The following ADAMTSL3 variants were observed in gnomAD, a reference collection of about 807,000 sequenced individuals.
ADAMTSL3 encodes ADAMTS-like protein 3.
In ADAMTSL3, 128 loss-of-function variants were observed where a neutral mutation model predicts 201.7. The ratio of observed to expected loss-of-function variants is 0.63; its 90% CI spans 0.55 to 0.73. The LOEUF is 0.73. ADAMTSL3 is among the 30% of genes least tolerant of loss of function. The pLI, the probability that ADAMTSL3 is intolerant of heterozygous loss-of-function variation, is 0.00. For missense variants in ADAMTSL3, 1,990 were observed against 2,119.6 expected, an observed-to-expected ratio of 0.94 and a Z score of 1.20; for synonymous variants, 738 against 748.4, an observed-to-expected ratio of 0.99 and a Z score of 0.23.
intron 3 of ADAMTSL3, among the ~76,000 whole-genome samples, chr15:83,720,212 C>G (rs182593641): frequency 2.1e-4 from 32 of 152,168 alleles, no homozygotes; most frequent in African/African-American, 7.7e-4. Flanking sequence ...GAGAGAGACT[C>G]TGTCTCATTT....
intron 23 of ADAMTSL3, 88 bp from the exon 24 acceptor site, chr15:84,014,454 G>T: frequency 7.9e-7 from 1 of 1,270,712 alleles, no homozygotes. Flanking sequence ...CTGACTTACG[G>T]TCAAAACAGT....
chr15:83,920,227 C>T (rs1025838305), intron 16 of ADAMTSL3, among the ~76,000 whole-genome samples: 3 of 152,144 alleles, frequency 2.0e-5, no homozygotes, highest in African/African-American at 7.2e-5. Flanking sequence ...GAGATGTGTT[C>T]CCGACATGGT....
intron 3 of ADAMTSL3, among the ~76,000 whole-genome samples, chr15:83,717,752 T>C (rs1473356257): frequency 6.6e-6 from 1 of 152,136 alleles, no homozygotes; most frequent in African/African-American, 2.4e-5. Context: ...GGTAACCACA[T>C]AGAGAAGAAT....
At chr15:83,871,728 A>G (rs531529338) in intron 9 of ADAMTSL3, among the ~76,000 whole-genome samples, 1 of 152,306 alleles carries the variant, frequency 6.6e-6, no homozygotes, top group East Asian at 1.9e-4. Flanking sequence ...ATAGTGGCCA[A>G]TATATTTCCA....
At chr15:83,850,956 G>A (rs1044132707) in intron 7 of ADAMTSL3, among the ~76,000 whole-genome samples, 6 of 152,110 alleles carry the variant, frequency 3.9e-5, no homozygotes, top group African/African-American at 1.2e-4. Context: ...TCCTGCGCCC[G>A]TGCTGCTCAA....
intron 2 of ADAMTSL3, among the ~76,000 whole-genome samples, chr15:83,692,423 C>G (rs1465683620): frequency 6.6e-6 from 1 of 152,002 alleles, no homozygotes; most frequent in East Asian, 1.9e-4. Flanking sequence ...CGGTGGCTCA[C>G]ACCTATAATC....
At chr15:83,690,240 C>T (rs565402751) in intron 2 of ADAMTSL3, among the ~76,000 whole-genome samples, 40 of 152,206 alleles carry the variant, frequency 2.6e-4, no homozygotes, top group African/African-American at 9.1e-4. Context: ...AATAATTTCA[C>T]TTCTCTACTT....
intron 2 of ADAMTSL3, among the ~76,000 whole-genome samples, chr15:83,677,966 A>C (rs933110765): frequency 6.8e-6 from 1 of 146,142 alleles, no homozygotes; most frequent in Non-Finnish European, 1.5e-5. Flanking sequence ...GTCTCTCTCT[A>C]TTTCTCTCCC....
chr15:83,997,041 A>G (rs555450440), intron 23 of ADAMTSL3, among the ~76,000 whole-genome samples: 1 of 152,336 alleles, frequency 6.6e-6, no homozygotes, highest in Admixed American at 6.5e-5. Flanking sequence ...GTGTATATGT[A>G]ATGAACCAAT....
At chr15:83,697,598 A>T (rs2061703044) in intron 2 of ADAMTSL3, among the ~76,000 whole-genome samples, 1 of 152,190 alleles carries the variant, frequency 6.6e-6, no homozygotes, top group Admixed American at 6.5e-5. Context: ...TTATAAAGGG[A>T]TAGAATAAAG....
chr15:83,822,394 C>T (rs1193274641), intron 6 of ADAMTSL3, among the ~76,000 whole-genome samples: 2 of 148,610 alleles, frequency 1.3e-5, no homozygotes, highest in African/African-American at 5.0e-5. Context: ...CCTCACTTCT[C>T]AGACGGGGCG....
rs186701410 is a variant in ADAMTSL3 at position 83,835,020 on chromosome 15, A to G, written c.601-3069A>G. On this transcript the variant is annotated intron_variant, in intron 6 of 29. Transcript: ENST00000286744. The stretch of plus-strand genomic sequence containing the variant: ...GAGGCCAAGGCGGGCAGATCACGAG[A>G]TCAGGAGATCGAGACCATCCTGGCT... 7.8e-3 allele frequency among the ~76,000 whole-genome samples: 1,187 copies of G among 152,088 alleles called. 19 individuals carry two copies. The highest frequency in any genetic ancestry group is 0.027 in the African/African-American group (1,121 of 41,480).
intron 8 of ADAMTSL3, among the ~76,000 whole-genome samples, chr15:83,859,656 G>T (rs927052682): frequency 3.4e-4 from 51 of 152,190 alleles, no homozygotes; most frequent in African/African-American, 1.2e-3. Flanking sequence ...AGGAATTCAA[G>T]ATTTTCCCTT....
rs369481260 is a variant in ADAMTSL3 at position 83,847,198 on chromosome 15, A to G, written c.727+8983A>G. 1.9e-4 allele frequency among the ~76,000 whole-genome samples: 29 copies of G among 152,350 alleles called. No individual in the cohort carries two copies. The South Asian group carries it at 6.0e-3, about 32-fold the overall frequency. On this transcript the variant is annotated intron_variant, in intron 7 of 29. Transcript: ENST00000286744. ...GCAGCCGATTGTTCTCAACAAGGCA[A>G]AGCTCTGCTGTGTTCCTTCCTTCTT...
intron 16 of ADAMTSL3, among the ~76,000 whole-genome samples, chr15:83,916,139 C>T (rs996241762): frequency 2.0e-5 from 3 of 152,168 alleles, no homozygotes; most frequent in African/African-American, 4.8e-5. Context: ...AACTGCCTTG[C>T]ATCTGTCAGA....
At chr15:83,751,879 A>C (rs542379172) in intron 3 of ADAMTSL3, among the ~76,000 whole-genome samples, 43 of 152,306 alleles carry the variant, frequency 2.8e-4, no homozygotes, top group African/African-American at 9.6e-4. Context: ...TTTGGGGGCA[A>C]ATACCAGCCT....
chr15:83,800,894 T>C (rs1352771755), intron 4 of ADAMTSL3, among the ~76,000 whole-genome samples: 1 of 152,200 alleles, frequency 6.6e-6, no homozygotes, highest in African/African-American at 2.4e-5. Context: ...TATTATTTAT[T>C]TTCTTCTTTT....
intron 15 of ADAMTSL3, among the ~76,000 whole-genome samples, chr15:83,904,214 C>T (rs1054931063): frequency 6.6e-6 from 1 of 151,968 alleles, no homozygotes; most frequent in Non-Finnish European, 1.5e-5. Context: ...TGTGGTCGCT[C>T]TGCAATTTTC....
intron 4 of ADAMTSL3, among the ~76,000 whole-genome samples, chr15:83,796,482 G>C (rs2063428688): frequency 6.6e-6 from 1 of 152,096 alleles, no homozygotes; most frequent in Non-Finnish European, 1.5e-5. Context: ...CTTTATGGAA[G>C]ATTTAGATGC....
Sources: allele counts gnomAD v4.1 joint callset (sites outside exome capture counted in the v4.1 genomes callset), GRCh38; gene constraint gnomAD v4.1.1; transcripts MANE v1.5; gene names NCBI Gene and HGNC (gene_info 2026-07-23, HGNC 2026-07-21).